The following PAPSS2 variants were observed in gnomAD, a reference collection of about 807,000 sequenced individuals.
PAPSS2 encodes 3'-phosphoadenosine 5'-phosphosulfate synthase 2.
Under a neutral mutation model 66.5 loss-of-function variants are expected in PAPSS2, and 61 were observed. The ratio of observed to expected loss-of-function variants is 0.92; its 90% CI spans 0.75 to 1.14. The LOEUF (loss-of-function observed/expected upper bound fraction) is 1.14, where lower values mean the gene tolerates loss of function less well. Among genes scored for constraint, PAPSS2 ranks in the 50% most tolerant of loss-of-function variants. The pLI, the probability that PAPSS2 is intolerant of heterozygous loss-of-function variation, is 0.00. For missense variants in PAPSS2, 708 were observed against 789.6 expected (o/e 0.90, Z 1.24); for synonymous variants, 289 against 287.5 (o/e 1.01, Z -0.05).
chr10:87,732,919 A>G (rs1302976129), intron 9 of PAPSS2, among the ~76,000 whole-genome samples: 3 of 152,216 alleles, frequency 2.0e-5, no homozygotes, highest in African/African-American at 7.2e-5. Flanking sequence ...TTGGATAACC[A>G]GAGAGAGAAA....
chr10:87,714,154 T>C lies in PAPSS2; in HGVS notation c.492T>C (p.Tyr164=). 1 of 1,613,820 alleles carries C rather than the reference T, an allele frequency of 6.2e-7. No homozygotes were observed. The highest frequency in any genetic ancestry group is 8.5e-7 in the Non-Finnish European group (1 of 1,179,918). ...AAAGCAGAGACGTAAAAGGCCTCTA[T>C]AAAAGGGCCAGAGCTGGGGAGATTA... The part of the protein sequence containing the change: ...ICESRDVKGL[Y]KRARAGEIKG... The change falls in exon 4 of 13, where the codon TAT becomes TAC. Residue 164 remains tyrosine (Y), a synonymous_variant. Transcript: ENST00000456849.
chr10:87,736,236 G>T (rs1190178567), intron 9 of PAPSS2, among the ~76,000 whole-genome samples: 2 of 149,272 alleles, frequency 1.3e-5, no homozygotes, highest in South Asian at 2.1e-4. Flanking sequence ...AAAAACAAAG[G>T]TTGCCATGTT....
intron 1 of PAPSS2, among the ~76,000 whole-genome samples, chr10:87,708,563 C>A (rs1295579107): frequency 6.6e-6 from 1 of 152,054 alleles, no homozygotes; most frequent in African/African-American, 2.4e-5. Context: ...TCAGTTCAAG[C>A]CTATAGGACT....
intron 7 of PAPSS2, among the ~76,000 whole-genome samples, chr10:87,720,469 T>C (rs1853580475): frequency 6.6e-6 from 1 of 152,200 alleles, no homozygotes; most frequent in African/African-American, 2.4e-5. Context: ...CAAGATATCA[T>C]TTATATAGAT....
At chr10:87,686,254 G>C (rs189438311) in intron 1 of PAPSS2, among the ~76,000 whole-genome samples, 140 of 146,268 alleles carry the variant, frequency 9.6e-4, no homozygotes, top group African/African-American at 3.3e-3. Context: ...AAGCTATCCT[G>C]TCGAACTTTG....
chr10:87,729,224 TGC>T (rs1176125284), intron 9 of PAPSS2, among the ~76,000 whole-genome samples: 1 of 131,210 alleles, frequency 7.6e-6, no homozygotes, highest in African/African-American at 3.0e-5. Flanking sequence ...TCACAGATTT[TGC>T]TTTTCTTTTC....
chr10:87,718,404 C>T (rs1853557646), intron 7 of PAPSS2, among the ~76,000 whole-genome samples: 1 of 152,188 alleles, frequency 6.6e-6, no homozygotes, highest in Non-Finnish European at 1.5e-5. Flanking sequence ...ATTGCTCCCA[C>T]TTTCCATGTA....
chr10:87,680,402 T>C (rs1035969216), intron 1 of PAPSS2, among the ~76,000 whole-genome samples: 2 of 152,226 alleles, frequency 1.3e-5, no homozygotes, highest in Non-Finnish European at 2.9e-5. Flanking sequence ...GATAACAAAG[T>C]TCCCCAGGAA....
At chr10:87,681,695 G>C (rs1853023453) in intron 1 of PAPSS2, among the ~76,000 whole-genome samples, 1 of 152,164 alleles carries the variant, frequency 6.6e-6, no homozygotes, top group Non-Finnish European at 1.5e-5. Flanking sequence ...CCCATTCGCA[G>C]TCATTCCCAT....
At chr10:87,733,757 T>C (rs1269197514) in intron 9 of PAPSS2, among the ~76,000 whole-genome samples, 1 of 152,184 alleles carries the variant, frequency 6.6e-6, no homozygotes, top group African/African-American at 2.4e-5. Flanking sequence ...AGTTAGATAA[T>C]TGTTTGGAGC....
chr10:87,685,292 T>C (rs773376052), intron 1 of PAPSS2, among the ~76,000 whole-genome samples: 9 of 152,254 alleles, frequency 5.9e-5, no homozygotes, highest in Non-Finnish European at 1.3e-4. Context: ...ACTACATTTT[T>C]GTTTTGTTTT....
chr10:87,712,042 T>C (rs1051723763), intron 2 of PAPSS2, among the ~76,000 whole-genome samples: 10 of 152,178 alleles, frequency 6.6e-5, no homozygotes, highest in African/African-American at 2.4e-4. Flanking sequence ...TCCCTTCTTA[T>C]GTTCCTCCTC....
intron 1 of PAPSS2, among the ~76,000 whole-genome samples, chr10:87,692,312 A>G (rs1171849404): frequency 1.3e-5 from 2 of 152,170 alleles, no homozygotes. Context: ...ATATCTGAAG[A>G]TAGAGATTTG....
intron 7 of PAPSS2, among the ~76,000 whole-genome samples, chr10:87,718,411 T>C (rs530917546): frequency 6.6e-6 from 1 of 152,216 alleles, no homozygotes; most frequent in Non-Finnish European, 1.5e-5. Flanking sequence ...CCACTTTCCA[T>C]GTAATCCAGA....
At chr10:87,739,776 A>G (rs995850938) in intron 9 of PAPSS2, among the ~76,000 whole-genome samples, 7 of 152,266 alleles carry the variant, frequency 4.6e-5, no homozygotes, top group African/African-American at 1.7e-4. Flanking sequence ...AACTATGTCC[A>G]TAGTCACTGC....
At chr10:87,730,529 G>A (rs1164511230) in intron 9 of PAPSS2, among the ~76,000 whole-genome samples, 1 of 152,174 alleles carries the variant, frequency 6.6e-6, no homozygotes, top group Non-Finnish European at 1.5e-5. Context: ...TCCAGCAAGA[G>A]AAGGCCCTTA....
intron 1 of PAPSS2, among the ~76,000 whole-genome samples, chr10:87,678,017 C>T (rs978417011): frequency 7.9e-5 from 12 of 152,028 alleles, no homozygotes; most frequent in African/African-American, 1.9e-4. Context: ...CATAGACCTA[C>T]AAGAAAAAAA....
chr10:87,696,954 C>T (rs1312900198), intron 1 of PAPSS2, among the ~76,000 whole-genome samples: 1 of 152,232 alleles, frequency 6.6e-6, no homozygotes, highest in Non-Finnish European at 1.5e-5. Context: ...TAGTGTGGTA[C>T]AATGAATGAA....
chr10:87,686,575 G>T (rs928048311), intron 1 of PAPSS2, among the ~76,000 whole-genome samples: 1 of 152,088 alleles, frequency 6.6e-6, no homozygotes, highest in African/African-American at 2.4e-5. Flanking sequence ...TAATGTCAAG[G>T]TTATGTGTAA....
Sources: gnomAD v4.1 joint callset for allele counts (sites outside exome capture counted in the v4.1 genomes callset) on GRCh38, gnomAD v4.1.1 for gene constraint, MANE v1.5 for transcripts, NCBI Gene and HGNC (gene_info 2026-07-23, HGNC 2026-07-21) for gene names.